Variants in MYO5B observed in about 807,000 individuals in gnomAD.
MYO5B encodes the protein myosin VB.
MYO5B carries 143 observed loss-of-function variants against 229.3 expected under a neutral mutation model. The ratio of observed to expected loss-of-function variants is 0.62; its 90% CI spans 0.54 to 0.72. The LOEUF (loss-of-function observed/expected upper bound fraction) is 0.72, where lower values mean the gene tolerates loss of function less well. Ranked by LOEUF, MYO5B falls within the 30% of genes least tolerant of loss-of-function variation. MYO5B has a pLI of 0.00. For missense variants in MYO5B, 2,321 were observed against 2,331.0 expected, an observed-to-expected ratio of 1.00 and a Z score of 0.09; for synonymous variants, 918 against 885.2, an observed-to-expected ratio of 1.04 and a Z score of -0.66.
intron 1 of MYO5B, among the ~76,000 whole-genome samples, chr18:50,141,904 C>G (rs1228380290): frequency 1.3e-5 from 2 of 152,192 alleles, no homozygotes; most frequent in Non-Finnish European, 2.9e-5. Context: ...AAAGTAGTGA[C>G]AATGGGTTGG....
chr18:49,846,406 C>T (rs1395498570), intron 33 of MYO5B, among the ~76,000 whole-genome samples: 3 of 152,300 alleles, frequency 2.0e-5, no homozygotes, highest in Non-Finnish European at 4.4e-5. Flanking sequence ...GAAATACGAA[C>T]TTTCATTCTC....
At chr18:49,848,446 C>T (rs181112614) in intron 32 of MYO5B, among the ~76,000 whole-genome samples, 144 of 152,244 alleles carry the variant, frequency 9.5e-4, no homozygotes, top group South Asian at 2.7e-3. Flanking sequence ...ACGAGTGACA[C>T]CCAGGGAAGG....
chr18:49,931,462 G>C (rs1249310237), intron 16 of MYO5B, among the ~76,000 whole-genome samples: 1 of 152,122 alleles, frequency 6.6e-6, no homozygotes, highest in Non-Finnish European at 1.5e-5. Context: ...AGGCACAACG[G>C]AACACTGATT....
chr18:49,990,102 A>C (rs917098984), intron 7 of MYO5B, among the ~76,000 whole-genome samples: 1 of 152,194 alleles, frequency 6.6e-6, no homozygotes, highest in African/African-American at 2.4e-5. Context: ...TTTTATCTCT[A>C]GATTCTTAGG....
intron 1 of MYO5B, among the ~76,000 whole-genome samples, chr18:50,107,653 G>A (rs1225604245): frequency 1.3e-5 from 2 of 152,146 alleles, no homozygotes; most frequent in African/African-American, 2.4e-5. Flanking sequence ...CACTGTTTCC[G>A]GTTTTCATGC....
intron 19 of MYO5B, among the ~76,000 whole-genome samples, chr18:49,906,007 C>T (rs1334495033): frequency 1.3e-5 from 2 of 152,176 alleles, no homozygotes; most frequent in Non-Finnish European, 2.9e-5. Flanking sequence ...CAGCCCTAAT[C>T]ACCTGACTCC....
intron 4 of MYO5B, among the ~76,000 whole-genome samples, chr18:50,002,542 T>G (rs1038739190): frequency 1.3e-5 from 2 of 152,018 alleles, no homozygotes; most frequent in African/African-American, 4.8e-5. Flanking sequence ...CTGTCTTCAT[T>G]TGGAAAAGAA....
intron 1 of MYO5B, among the ~76,000 whole-genome samples, chr18:50,080,637 A>C (rs991197707): frequency 1.9e-4 from 29 of 152,170 alleles, no homozygotes; most frequent in African/African-American, 6.5e-4. Context: ...GACAACAGGA[A>C]GGGGGACAAA....
rs2025801587 is a variant in MYO5B at position 49,980,440 on chromosome 18, T to G, written c.1056+4A>C. 1.3e-6 allele frequency: 2 copies of G among 1,595,336 alleles called. No individual in the cohort carries two copies. Among genetic ancestry groups the G allele is most frequent in the Admixed American group, 1.7e-5 (1 of 59,992 alleles). On this transcript the variant is annotated splice_donor_region_variant and intron_variant, in intron 9 of 39. Transcript: ENST00000285039. ...TTTATCTCCGGTGTTGGTGTGCAAC[T>G]TACTGATATACTACAGGAATCACCA...
At chr18:49,903,858 G>C (rs538390763) in intron 20 of MYO5B, among the ~76,000 whole-genome samples, 2 of 152,238 alleles carry the variant, frequency 1.3e-5, no homozygotes, top group African/African-American at 2.4e-5. Flanking sequence ...ACAACACAAA[G>C]AGCAAGAACC....
At chr18:49,857,662 A>G (rs2024278493) in intron 29 of MYO5B, among the ~76,000 whole-genome samples, 1 of 152,184 alleles carries the variant, frequency 6.6e-6, no homozygotes, top group Non-Finnish European at 1.5e-5. Context: ...CAATTTGGGA[A>G]AGCAGAACTC....
At chr18:49,995,934 T>C (rs2025982627) in intron 5 of MYO5B, among the ~76,000 whole-genome samples, 1 of 152,222 alleles carries the variant, frequency 6.6e-6, no homozygotes, top group African/African-American at 2.4e-5. Context: ...ACTATTCCTT[T>C]ACAGGAAATA....
At chr18:50,181,465 A>G (rs2033072501) in intron 1 of MYO5B, among the ~76,000 whole-genome samples, 1 of 152,232 alleles carries the variant, frequency 6.6e-6, no homozygotes, top group Non-Finnish European at 1.5e-5. Context: ...ATAGTCAGTG[A>G]GTCCTCACCT....
chr18:50,008,503 T>C (rs1269647672), intron 4 of MYO5B, among the ~76,000 whole-genome samples: 1 of 152,180 alleles, frequency 6.6e-6, no homozygotes, highest in African/African-American at 2.4e-5. Flanking sequence ...TGCCCTATGC[T>C]CAGCCTTCCA....
intron 23 of MYO5B, chr18:49,879,391 CA>C: frequency 2.3e-6 from 1 of 433,066 alleles, no homozygotes; most frequent in East Asian, 5.2e-5. Flanking sequence ...ACTGTCACAG[CA>C]ACTGCTGGCA....
chr18:50,058,427 G>A (rs1289494060), intron 1 of MYO5B, among the ~76,000 whole-genome samples: 1 of 152,100 alleles, frequency 6.6e-6, no homozygotes, highest in Non-Finnish European at 1.5e-5. Context: ...CTACAATTGT[G>A]CCACTGCACT....
At position 49,891,140 on chromosome 18, in the gene MYO5B, G is replaced by C. The variant is rs1183680660; in HGVS notation, c.3045+3801C>G. Among the ~76,000 whole-genome samples the C allele has an allele frequency of 3.3e-5, 5 of 152,082 alleles. No individual in the cohort carries two copies. The South Asian group carries it at 1.0e-3, about 32-fold the overall frequency. Reference sequence around the variant, plus strand: ...TCCTCACTTACTCCACCTGAGCCCAGTGAGCACCTCATTGGTCCTCACACC... The same window carrying C: ...TCCTCACTTACTCCACCTGAGCCCACTGAGCACCTCATTGGTCCTCACACC... On this transcript the variant is annotated intron_variant, in intron 22 of 39. Coordinates refer to ENST00000285039, the MANE Select transcript of MYO5B (RefSeq NM_001080467.3).
At chr18:49,974,798 G>GACAGACACACACACACACACACAC (rs2025730642) in intron 9 of MYO5B, among the ~76,000 whole-genome samples, 183 bp from the exon 10 acceptor site, 1 of 130,996 alleles carries the variant, frequency 7.6e-6, no homozygotes, top group Non-Finnish European at 1.6e-5. Flanking sequence ...CACACACACA[G>GACAGACACACACACACACACACAC]ACACACACAC....
At chr18:50,162,502 T>A (rs921996144) in intron 1 of MYO5B, among the ~76,000 whole-genome samples, 1 of 152,210 alleles carries the variant, frequency 6.6e-6, no homozygotes, top group African/African-American at 2.4e-5. Flanking sequence ...TCAAAGAGCG[T>A]ATTTTCCATG....
Sources: allele counts gnomAD v4.1 joint callset (sites outside exome capture counted in the v4.1 genomes callset), GRCh38; gene constraint gnomAD v4.1.1; transcripts MANE v1.5; gene names NCBI Gene and HGNC (gene_info 2026-07-23, HGNC 2026-07-21).